Variants in BABAM1 observed in about 807,000 individuals in gnomAD.
BABAM1 encodes the protein BRISC and BRCA1 A complex member 1.
Under a neutral mutation model 34.4 loss-of-function variants are expected in BABAM1, and 14 were observed. The ratio of observed to expected loss-of-function variants is 0.41; its 90% CI spans 0.27 to 0.64. The LOEUF (loss-of-function observed/expected upper bound fraction) is 0.64. Ranked by LOEUF, BABAM1 falls within the 30% of genes least tolerant of loss-of-function variation. The pLI, the probability that BABAM1 is intolerant of heterozygous loss-of-function variation, is 0.34. For synonymous variants in BABAM1, 169 were observed against 165.8 expected, an observed-to-expected ratio of 1.02 and a Z score of -0.15; for missense variants, 393 against 434.0, an observed-to-expected ratio of 0.91 and a Z score of 0.84.
intron 2 of BABAM1, among the ~76,000 whole-genome samples, chr19:17,269,943 T>G (rs1430215708): frequency 6.6e-6 from 1 of 150,746 alleles, no homozygotes; most frequent in Non-Finnish European, 1.5e-5. Flanking sequence ...TTTTTTTTTT[T>G]GAGAAGGAGT....
intron 5 of BABAM1, among the ~76,000 whole-genome samples, chr19:17,274,806 C>T (rs569070491): frequency 5.3e-5 from 8 of 152,186 alleles, no homozygotes; most frequent in East Asian, 1.9e-4. Flanking sequence ...ATAGGACTCT[C>T]GTAAGTTAAA....
At position 17,273,536 on chromosome 19, in the gene BABAM1, C is replaced by T. The variant is rs910406507; in HGVS notation, c.345-368C>T. Among the ~76,000 whole-genome samples, 3 of 139,804 alleles carry T rather than the reference C, an allele frequency of 2.1e-5. No homozygotes were observed. The Admixed American group carries it at 2.2e-4, about 10-fold the overall frequency. 91.7% of individuals were successfully genotyped at this position (139,804 alleles called of 152,430 possible). A position where few individuals can be genotyped will look rare whatever the true frequency, so the allele number is the denominator to read the frequency against. ...ATGCAGGGTTTTCAGAGGAGGGTGG[C>T]TGAAGGAAGTTTTTTTTTGTTTGTT... On this transcript the variant is annotated intron_variant, in intron 3 of 8. Coordinates refer to ENST00000598188, the MANE Select transcript of BABAM1 (RefSeq NM_014173.4).
Position 17,273,572 on chromosome 19 carries a change from T to G in BABAM1, c.345-332T>G, listed in dbSNP as rs1403719047. ...TTTTTTTTGTTTGTTTTGTTTTTTT[T>G]TTTTTTTTTGAGACAGAGTCTCACT... On this transcript the variant is annotated intron_variant, in intron 3 of 8. Transcript: ENST00000598188. 1.1e-4 allele frequency among the ~76,000 whole-genome samples: 14 copies of G among 128,620 alleles called. 1 individual carries two copies. The highest frequency in any genetic ancestry group is 6.2e-4 in the East Asian group (3 of 4,822). The allele number at this position is 128,620 out of a possible 152,430, so 84.4% of individuals were successfully genotyped here.
chr19:17,275,811 A>G lies in BABAM1; in HGVS notation c.555A>G (p.Gly185=). Residue 185 remains glycine, a synonymous_variant, in exon 6 of 9, where the codon GGA becomes GGG. Transcript: ENST00000598188. Reference sequence around the variant, plus strand: ...TAGCACCCCCACCAGATCTGGAAGGACTTTTCAGCCTCATGTAAGTCCCCT... The same window carrying G: ...TAGCACCCCCACCAGATCTGGAAGGGCTTTTCAGCCTCATGTAAGTCCCCT... ...TASCSTFNLE[G]LFSLIQQKTE... The G allele has an allele frequency of 3.1e-6, 5 of 1,613,860 alleles. No homozygotes were observed. Among genetic ancestry groups the G allele is most frequent in the Non-Finnish European group, 3.4e-6 (4 of 1,179,850 alleles).
At position 17,269,012 on chromosome 19, in the gene BABAM1, G is replaced by A. The variant is rs1318312657; in HGVS notation, c.206G>A (p.Gly69Asp). Residue 69 changes from glycine to aspartate, a missense_variant, in exon 2 of 9, where the codon GGC becomes GAC. Transcript: ENST00000598188. The part of the protein sequence containing the change: ...DDGSLNTSGA[G>D]PKSWQVPPPA... ...GGGAGCCTCAACACTTCAGGAGCCG[G>A]CCCTAAGTCCTGGCAGGTGCCCCCG... The A allele has an allele frequency of 5.0e-6, 8 of 1,591,014 alleles. No homozygotes were observed. The highest frequency in any genetic ancestry group is 2.3e-5 in the East Asian group (1 of 43,830).
chr19:17,278,003 T>C (rs58092323), intron 8 of BABAM1, among the ~76,000 whole-genome samples: 1 of 151,646 alleles, frequency 6.6e-6, no homozygotes, highest in South Asian at 2.1e-4. Context: ...GGAGAAACCC[T>C]GTCTCTACTA....
At position 17,268,617 on chromosome 19, in the gene BABAM1, C is replaced by T. The variant is rs374674950; in HGVS notation, c.-13-177C>T. 193 of 592,748 alleles carry T rather than the reference C, an allele frequency of 3.3e-4. 2 individuals are homozygous for T. The highest frequency in any genetic ancestry group is 2.9e-3 in the African/African-American group (153 of 53,510). The allele number at this position is 592,748 out of a possible 1,614,324, so 36.7% of individuals were successfully genotyped here. ...GCTAATTTTGTATTTTTAGTTGAGA[C>T]GGGGTTTCTCCATGTTGGTCAGGCT... On this transcript the variant is annotated intron_variant, in intron 1 of 8. Transcript: ENST00000598188.
At chr19:17,267,638 C>CT (rs2073783785) in intron 1 of BABAM1, 111 bp downstream of exon 1, 1 of 152,284 alleles carries the variant, frequency 6.6e-6, no homozygotes, top group Admixed American at 6.5e-5. Context: ...CTGGTTTCTC[C>CT]TGCAGTGTAG....
Position 17,276,903 on chromosome 19 carries a change from T to C in BABAM1, c.780T>C (p.Ser260=), listed in dbSNP as rs1568336366. ...NGTEEKEEEM[S]WKDMFAFMGS... ...CTGAGGAGAAGGAGGAGGAGATGAG[T>C]TGGAAGGTGAGAGGCTGCAGCAGGT... Residue 260 remains serine, a synonymous_variant, in exon 8 of 9, where the codon AGT becomes AGC. Coordinates refer to ENST00000598188, the MANE Select transcript of BABAM1 (RefSeq NM_014173.4). 6.3e-7 allele frequency: 1 copy of C among 1,596,298 alleles called. No homozygotes were observed. Among genetic ancestry groups the C allele is most frequent in the Non-Finnish European group, 8.5e-7 (1 of 1,171,354 alleles).
Position 17,276,482 on chromosome 19 carries a change from C to G in BABAM1, c.570-13C>G. On this transcript the variant is annotated splice_polypyrimidine_tract_variant and intron_variant, in intron 6 of 8. Coordinates refer to ENST00000598188, the MANE Select transcript of BABAM1 (RefSeq NM_014173.4). Reference sequence around the variant, plus strand: ...CAGGCTGCTCTGACTGCTCCCTCCTCCCGGGTATGCAGCCAGCAGAAAACT... The same window carrying G: ...CAGGCTGCTCTGACTGCTCCCTCCTGCCGGGTATGCAGCCAGCAGAAAACT... 6.3e-7 allele frequency: 1 copy of G among 1,586,646 alleles called. No homozygotes were observed. The highest frequency in any genetic ancestry group is 8.6e-7 in the Non-Finnish European group (1 of 1,167,306).
In BABAM1 at chr19:17,273,564, G is replaced by GTTTTGTT. The variant is rs1555716590; in HGVS notation, c.345-336_345-335insGTTTTTT. ...AAGGAAGTTTTTTTTTGTTTGTTTT[G>GTTTTGTT]TTTTTTTTTTTTTTTTTGAGACAGA... is the stretch of plus-strand genomic sequence containing the variant. On this transcript the variant is annotated intron_variant, in intron 3 of 8. Coordinates refer to ENST00000598188, the MANE Select transcript of BABAM1 (RefSeq NM_014173.4). Among the ~76,000 whole-genome samples, 10 of 45,924 alleles carry GTTTTGTT rather than the reference G, an allele frequency of 2.2e-4. 1 individual carries two copies. The highest frequency in any genetic ancestry group is 8.6e-4 in the East Asian group (2 of 2,320). 30.1% of individuals were successfully genotyped at this position (45,924 alleles called of 152,430 possible).
chr19:17,275,970 T>C, intron 6 of BABAM1, 145 bp downstream of exon 6: 2 of 930,376 alleles, frequency 2.1e-6, no homozygotes, highest in Non-Finnish European at 1.7e-6. Context: ...CTCATTTATG[T>C]GTGTCTTGGG....
intron 3 of BABAM1, among the ~76,000 whole-genome samples, chr19:17,272,302 G>T (rs1445521087): frequency 6.6e-6 from 1 of 152,174 alleles, no homozygotes; most frequent in East Asian, 1.9e-4. Context: ...CTACTTGGGA[G>T]GGCAAGCTGG....
intron 5 of BABAM1, among the ~76,000 whole-genome samples, chr19:17,275,261 C>T (rs947875028): frequency 1.3e-5 from 2 of 151,614 alleles, no homozygotes; most frequent in East Asian, 3.9e-4. Context: ...TGCTCCAAAA[C>T]CTCCCATGGC....
At chr19:17,276,185 A>G (rs923237885) in intron 6 of BABAM1, among the ~76,000 whole-genome samples, 1 of 152,100 alleles carries the variant, frequency 6.6e-6, no homozygotes, top group African/African-American at 2.4e-5. Flanking sequence ...CGTCTCTACT[A>G]AAAATACAAA....
intron 8 of BABAM1, among the ~76,000 whole-genome samples, 196 bp from the exon 9 acceptor site, chr19:17,278,649 C>T (rs1328050882): frequency 1.3e-5 from 2 of 152,202 alleles, no homozygotes; most frequent in African/African-American, 4.8e-5. Flanking sequence ...GGGACCTCTT[C>T]AGATCCTTAA....
rs1254053095 is a variant in BABAM1 at position 17,268,786 on chromosome 19, C to G, written c.-13-8C>G. The stretch of plus-strand genomic sequence containing the variant: ...GATTCTGGCTTCCCCTGTCCGTGTT[C>G]CATCTAGCCACACAGGAGCCATGGA... On this transcript the variant is annotated splice_polypyrimidine_tract_variant and splice_region_variant and intron_variant, in intron 1 of 8. Transcript: ENST00000598188. 1 of 1,578,168 alleles carries G rather than the reference C, an allele frequency of 6.3e-7. No homozygotes were observed. The highest frequency in any genetic ancestry group is 2.3e-5 in the East Asian group (1 of 44,386).
chr19:17,268,820 A>G lies in BABAM1; in HGVS notation c.14A>G (p.Glu5Gly). 1 of 1,604,828 alleles carries G rather than the reference A, an allele frequency of 6.2e-7. No homozygotes were observed. Among genetic ancestry groups the G allele is most frequent in the Non-Finnish European group, 8.5e-7 (1 of 1,174,416 alleles). The change falls in exon 2 of 9, where the codon GAG becomes GGG. Residue 5 changes from glutamate (E) to glycine (G), a missense_variant. By Grantham distance (98) the Glu-to-Gly change is moderately conservative. Transcript: ENST00000598188. Reference sequence around the variant, plus strand: ...CACACAGGAGCCATGGAAGTGGCAGAGCCCAGCAGCCCCACTGAAGAGGAG... The same window carrying G: ...CACACAGGAGCCATGGAAGTGGCAGGGCCCAGCAGCCCCACTGAAGAGGAG... MEVA[E>G]PSSPTEEEEE...
chr19:17,276,458 A>G, intron 6 of BABAM1, 37 bp from the exon 7 acceptor site: 1 of 1,570,910 alleles, frequency 6.4e-7, no homozygotes, highest in Middle Eastern at 1.7e-4. Flanking sequence ...AGACCCCCAC[A>G]GGCTGCTCTG....
Sources: allele counts gnomAD v4.1 joint callset (sites outside exome capture counted in the v4.1 genomes callset), GRCh38; gene constraint gnomAD v4.1.1; transcripts MANE v1.5; gene names NCBI Gene and HGNC (gene_info 2026-07-23, HGNC 2026-07-21).